The following MOXD1 variants were observed in gnomAD, a reference collection of about 807,000 sequenced individuals.
The protein encoded by MOXD1 is DBH-like monooxygenase protein 1.
A neutral mutation model predicts 66.6 loss-of-function variants in MOXD1; 62 were observed. The ratio of observed to expected loss-of-function variants is 0.93; its 90% confidence interval spans 0.76 to 1.15. The LOEUF (loss-of-function observed/expected upper bound fraction) is 1.15. Among genes scored for constraint, MOXD1 ranks in the 50% most tolerant of loss-of-function variants. The pLI is 0.00. For synonymous variants in MOXD1, 303 were observed against 281.9 expected, an observed-to-expected ratio of 1.07 and a Z score of -0.75; for missense variants, 847 against 754.6, an observed-to-expected ratio of 1.12 and a Z score of -1.44.
intron 4 of MOXD1, among the ~76,000 whole-genome samples, chr6:132,363,685 A>G (rs774623919): frequency 6.6e-6 from 1 of 152,150 alleles, no homozygotes; most frequent in African/African-American, 2.4e-5. Context: ...GTTCATATGG[A>G]AAGTGGTGGT....
intron 4 of MOXD1, among the ~76,000 whole-genome samples, chr6:132,345,957 G>A (rs2114615580): frequency 6.6e-6 from 1 of 152,124 alleles, no homozygotes; most frequent in Non-Finnish European, 1.5e-5. Flanking sequence ...CTTTGGTTCT[G>A]TATCAAACAT....
chr6:132,300,131 G>T (rs1392067331), intron 10 of MOXD1, among the ~76,000 whole-genome samples: 1 of 151,844 alleles, frequency 6.6e-6, no homozygotes. Flanking sequence ...ATATATCTTT[G>T]TTGAGTTTTA....
intron 9 of MOXD1, 52 bp downstream of exon 9, chr6:132,320,577 T>G: frequency 1.4e-6 from 2 of 1,438,518 alleles, no homozygotes; most frequent in Middle Eastern, 2.1e-4. Context: ...AAAATCAAGT[T>G]TATTTCTTTC....
chr6:132,307,067 C>A (rs550553402), intron 10 of MOXD1, among the ~76,000 whole-genome samples: 2 of 152,100 alleles, frequency 1.3e-5, no homozygotes, highest in African/African-American at 4.8e-5. Context: ...TTAAAAGACA[C>A]AGATTGGCAA....
intron 1 of MOXD1, among the ~76,000 whole-genome samples, chr6:132,382,876 T>A (rs950616192): frequency 6.6e-6 from 1 of 152,200 alleles, no homozygotes; most frequent in African/African-American, 2.4e-5. Flanking sequence ...TTTAAAAGCA[T>A]GATGACACAG....
chr6:132,333,133 G>A (rs7741415), intron 4 of MOXD1, among the ~76,000 whole-genome samples: 65,867 of 151,790 alleles, frequency 0.43, 19,855 homozygotes, highest in African/African-American at 0.84. Context: ...TCAGGAGATC[G>A]AGACCATCCT....
intron 1 of MOXD1, among the ~76,000 whole-genome samples, chr6:132,386,622 T>C (rs951306350): frequency 1.3e-5 from 2 of 151,320 alleles, no homozygotes; most frequent in African/African-American, 2.4e-5. Context: ...AACCTGAAAG[T>C]GTAAATGCAA....
intron 10 of MOXD1, among the ~76,000 whole-genome samples, chr6:132,305,801 G>A (rs899489648): frequency 1.3e-5 from 2 of 152,160 alleles, no homozygotes; most frequent in African/African-American, 2.4e-5. Flanking sequence ...CAAGCAGGAA[G>A]CAACAACAAC....
chr6:132,325,983 T>C (rs1012925725), intron 6 of MOXD1, among the ~76,000 whole-genome samples: 10 of 152,240 alleles, frequency 6.6e-5, no homozygotes, highest in Non-Finnish European at 1.5e-5. Flanking sequence ...GAATTTTCTC[T>C]GGACATATCT....
chr6:132,301,031 A>G (rs1037579261), intron 10 of MOXD1, among the ~76,000 whole-genome samples: 1 of 152,152 alleles, frequency 6.6e-6, no homozygotes, highest in Non-Finnish European at 1.5e-5. Flanking sequence ...TTTCAAAAAG[A>G]CTAAGCTTTA....
At chr6:132,297,694 G>C in intron 11 of MOXD1, 93 bp downstream of exon 11, 1 of 1,428,410 alleles carries the variant, frequency 7.0e-7, no homozygotes, top group East Asian at 2.4e-5. Flanking sequence ...TGGACCCCTG[G>C]ATTTATGGAT....
chr6:132,330,711 C>G (rs531117171), intron 4 of MOXD1, among the ~76,000 whole-genome samples: 1 of 152,334 alleles, frequency 6.6e-6, no homozygotes, highest in East Asian at 1.9e-4. Context: ...TCCTTGCTTG[C>G]TCTCTACTTT....
rs77275226 is a variant in MOXD1, at chr6:132,366,936, A to G, written c.663+5672T>C. ...CAATGTCAATTATTCTTAAATTTTC[A>G]TGTTCTAGGAAACACTCCCCAAATG... On this transcript the variant is annotated intron_variant, in intron 4 of 11. Coordinates refer to ENST00000367963, the MANE Select transcript of MOXD1 (RefSeq NM_015529.4). Among the ~76,000 whole-genome samples, 669 of 152,134 alleles carry G rather than the reference A, an allele frequency of 4.4e-3. 4 individuals carry two copies. Among genetic ancestry groups the G allele is most frequent in the African/African-American group, 0.014 (566 of 41,538 alleles).
intron 1 of MOXD1, among the ~76,000 whole-genome samples, chr6:132,385,041 T>C (rs1456596774): frequency 1.3e-5 from 2 of 152,176 alleles, no homozygotes; most frequent in African/African-American, 4.8e-5. Context: ...TTAGATTTAG[T>C]TTCGAGGAAG....
rs10557781 is a variant in MOXD1 at position 132,374,486 on chromosome 6, TA to T, written c.411+144del. On this transcript the variant is annotated intron_variant, in intron 2 of 11. Coordinates refer to ENST00000367963, the MANE Select transcript of MOXD1 (RefSeq NM_015529.4). ...TCTAAAAAAGTAAAAAAGAAAAAAC[TA>T]AAAAAAAAACTAAAAAAAATCAAAA... 982 of 838,616 alleles carry T rather than the reference TA, an allele frequency of 1.2e-3. 5 individuals are homozygous for T. The highest frequency in any genetic ancestry group is 5.0e-3 in the African/African-American group (271 of 54,624). 51.9% of individuals were successfully genotyped at this position (838,616 alleles called of 1,614,324 possible).
chr6:132,377,034 T>C (rs2114669478), intron 1 of MOXD1, among the ~76,000 whole-genome samples: 1 of 152,320 alleles, frequency 6.6e-6, no homozygotes, highest in Non-Finnish European at 1.5e-5. Context: ...TGGATCCTTT[T>C]TCACTCTTCT....
intron 9 of MOXD1, among the ~76,000 whole-genome samples, chr6:132,317,494 C>T (rs908001454): frequency 2.6e-5 from 4 of 152,090 alleles, no homozygotes; most frequent in Non-Finnish European, 4.4e-5. Context: ...ACTGCTGGCT[C>T]TCCTACTGTA....
chr6:132,390,728 T>C (rs1467300017), intron 1 of MOXD1: 1 of 151,520 alleles, frequency 6.6e-6, no homozygotes, highest in South Asian at 2.1e-4. Flanking sequence ...ACCTACAAAA[T>C]GAGAGTAATA....
At chr6:132,364,033 T>C (rs139061427) in intron 4 of MOXD1, among the ~76,000 whole-genome samples, 177 of 152,192 alleles carry the variant, frequency 1.2e-3, no homozygotes, top group African/African-American at 4.2e-3. Flanking sequence ...TAGACTTGGT[T>C]GGTAGAAGAA....
Sources: gnomAD v4.1 joint callset for allele counts (sites outside exome capture counted in the v4.1 genomes callset) on GRCh38, gnomAD v4.1.1 for gene constraint, MANE v1.5 for transcripts, NCBI Gene and HGNC (gene_info 2026-07-23, HGNC 2026-07-21) for gene names.